The following SRPRB variants were observed in gnomAD, a reference collection of about 807,000 sequenced individuals.
SRPRB encodes signal recognition particle receptor subunit beta.
A neutral mutation model predicts 31.9 loss-of-function variants in SRPRB; 20 were observed. The observed-to-expected ratio is 0.63, with a 90% confidence interval of 0.44 to 0.91. The LOEUF is 0.91. Among genes scored for constraint, SRPRB ranks in the 40% least tolerant of loss-of-function variants. The pLI, the probability that SRPRB is intolerant of heterozygous loss-of-function variation, is 0.00. For missense variants in SRPRB, 321 were observed against 324.9 expected (o/e 0.99, Z 0.09); for synonymous variants, 146 against 132.8 (o/e 1.10, Z -0.68).
rs556908505 is a variant in SRPRB at position 133,814,809 on chromosome 3, A to G, written c.411-781A>G. Among the ~76,000 whole-genome samples the G allele has an allele frequency of 3.3e-5, 5 of 152,308 alleles. No homozygotes were observed. The South Asian group carries it at 1.0e-3, about 32-fold the overall frequency. ...GCTTTGATATCTCTTTGTTTCTGTC[A>G]CATGAGGAGTCCCACTATGGCTGCC... On this transcript the variant is annotated intron_variant, in intron 4 of 6. Coordinates refer to ENST00000678299, the MANE Select transcript of SRPRB (RefSeq NM_001379313.1).
At chr3:133,785,386 G>A (rs1406526370) in intron 1 of SRPRB, 14 of 102,600 alleles carry the variant, frequency 1.4e-4, no homozygotes, top group South Asian at 8.8e-4. Context: ...CGCCCTGTCC[G>A]GGAGGGAGGT....
chr3:133,793,252 T>C (rs894974704), intron 1 of SRPRB: 3 of 152,176 alleles, frequency 2.0e-5, no homozygotes, highest in South Asian at 2.1e-4. Flanking sequence ...TTTTTGCCTT[T>C]TAAAACATTT....
rs964133939 is a variant in SRPRB at position 133,808,599 on chromosome 3, G to C, written c.327+776G>C. ...ATATATGAGTGTATTTCAAATATAAGGAATCATGGGGCCTGGCTTGGTGGC... is the reference window on the plus strand; with the variant it reads ...ATATATGAGTGTATTTCAAATATAACGAATCATGGGGCCTGGCTTGGTGGC... On this transcript the variant is annotated intron_variant, in intron 3 of 6. Coordinates refer to ENST00000678299, the MANE Select transcript of SRPRB (RefSeq NM_001379313.1). 3.3e-5 allele frequency among the ~76,000 whole-genome samples: 5 copies of C among 152,056 alleles called. No homozygotes were observed. The South Asian group carries it at 1.0e-3, about 32-fold the overall frequency.
downstream of SRPRB, chr3:133,828,167 G>A (rs1015668800): frequency 8.4e-6 from 5 of 593,034 alleles, no homozygotes; most frequent in African/African-American, 3.7e-5. Context: ...AGCTCCACAC[G>A]AGGTTGACGA....
chr3:133,823,050 A>G (rs1935499594), downstream of SRPRB, among the ~76,000 whole-genome samples: 1 of 152,198 alleles, frequency 6.6e-6, no homozygotes, highest in Admixed American at 6.5e-5. Context: ...GTGCCCTTTC[A>G]GTGTGGTTTC....
rs146467727 is a variant in SRPRB, at chr3:133,818,785, AGTGTGTGTGT to A, written c.603-739_603-730del. On this transcript the variant is annotated intron_variant, in intron 6 of 6. Transcript: ENST00000678299. The stretch of plus-strand genomic sequence containing the variant: ...TATTGTTTTTTAAAAATACTTTTAC[AGTGTGTGTGT>A]GTGTGTGTGTGTGTGTGTGTGTGTG... Among the ~76,000 whole-genome samples, 364 of 144,202 alleles carry A rather than the reference AGTGTGTGTGT, an allele frequency of 2.5e-3. 1 individual carries two copies. Among genetic ancestry groups the A allele is most frequent in the African/African-American group, 7.9e-3 (309 of 38,934 alleles). 94.6% of individuals were successfully genotyped at this position (144,202 alleles called of 152,430 possible).
intron 1 of SRPRB, among the ~76,000 whole-genome samples, chr3:133,798,166 T>G (rs1000828412): frequency 7.2e-5 from 11 of 152,226 alleles, no homozygotes; most frequent in Admixed American, 5.2e-4. Context: ...TTATAATTGA[T>G]AGAAAAGATG....
chr3:133,810,568 G>A (rs1019492478), intron 3 of SRPRB: 1 of 152,170 alleles, frequency 6.6e-6, no homozygotes, highest in Non-Finnish European at 1.5e-5. Flanking sequence ...TAAATTATAT[G>A]TCTGGAAGAT....
chr3:133,815,131 T>G (rs1297243790), intron 4 of SRPRB, among the ~76,000 whole-genome samples: 1 of 152,184 alleles, frequency 6.6e-6, no homozygotes. Context: ...GATTTTAGAC[T>G]TTGGATTTTT....
chr3:133,825,111 G>A (rs1039362342), downstream of SRPRB: 1 of 152,144 alleles, frequency 6.6e-6, no homozygotes, highest in Non-Finnish European at 1.5e-5. Flanking sequence ...ACATCCTTCT[G>A]TTCAGCTGCC....
rs1020098152 is a variant in SRPRB at position 133,811,101 on chromosome 3, T to C, written c.328-16T>C. ...GAACTGTATTGAAACGTTAATGTTA[T>C]TGCTGCCATCCCCAGGGCAATAGTC... On this transcript the variant is annotated splice_polypyrimidine_tract_variant and intron_variant, in intron 3 of 6. Coordinates refer to ENST00000678299, the MANE Select transcript of SRPRB (RefSeq NM_001379313.1). The C allele has an allele frequency of 6.2e-7, 1 of 1,613,758 alleles. No homozygotes were observed. Among genetic ancestry groups the C allele is most frequent in the East Asian group, 2.2e-5 (1 of 44,882 alleles).
At position 133,819,901 on chromosome 3, in the gene SRPRB, G is replaced by T. The variant is rs2107977440; in HGVS notation, c.*135G>T. Reference sequence around the variant, plus strand: ...TTCTTTGTTCTGGAAACAAAGTACTGTTGAAACCAGCTTGGAATTTTTTTT... The same window carrying T: ...TTCTTTGTTCTGGAAACAAAGTACTTTTGAAACCAGCTTGGAATTTTTTTT... On this transcript the variant is annotated 3_prime_UTR_variant, in exon 7 of 7. Transcript: ENST00000678299. 12 of 724,190 alleles carry T rather than the reference G, an allele frequency of 1.7e-5. No individual in the cohort carries two copies. Among genetic ancestry groups the T allele is most frequent in the East Asian group, 2.9e-5 (1 of 35,058 alleles). 44.9% of individuals were successfully genotyped at this position (724,190 alleles called of 1,614,324 possible). A position where few individuals can be genotyped will look rare whatever the true frequency, so the allele number is the denominator to read the frequency against.
chr3:133,800,394 T>C (rs149613296), intron 1 of SRPRB, among the ~76,000 whole-genome samples: 1 of 152,306 alleles, frequency 6.6e-6, no homozygotes, highest in African/African-American at 2.4e-5. Context: ...TGCAATCAAG[T>C]GAGTGAGTCA....
downstream of SRPRB, chr3:133,827,746 A>ACACCCCCCCC: frequency 1.4e-5 from 1 of 72,112 alleles, no homozygotes; most frequent in Admixed American, 2.1e-4. Context: ...TGCAGACAAC[A>ACACCCCCCCC]CCCCCCCCCC....
downstream of SRPRB, chr3:133,826,954 CAT>C: frequency 1.3e-5 from 2 of 152,776 alleles, no homozygotes. Flanking sequence ...TATGTACACA[CAT>C]ATAAAAACTA....
rs915218966 is a variant in SRPRB at position 133,820,386 on chromosome 3, C to G, written c.*620C>G. 3 of 154,206 alleles carry G rather than the reference C, an allele frequency of 1.9e-5. No homozygotes were observed. Among genetic ancestry groups the G allele is most frequent in the Admixed American group, 6.3e-5 (1 of 15,770 alleles). The allele number at this position is 154,206 out of a possible 1,614,324, so 9.6% of individuals were successfully genotyped here. A position where few individuals can be genotyped will look rare whatever the true frequency, so the allele number is the denominator to read the frequency against. On this transcript the variant is annotated 3_prime_UTR_variant, in exon 7 of 7. Transcript: ENST00000678299. ...GCACTTACGTTTCAAAAGCTTGTCA[C>G]AAACCCTTGGAGTCATTCCCAGATA... is the stretch of plus-strand genomic sequence containing the variant.
chr3:133,815,746 C>G lies in SRPRB; in HGVS notation c.547+20C>G. 1.2e-6 allele frequency: 2 copies of G among 1,608,788 alleles called. No homozygotes were observed. The highest frequency in any genetic ancestry group is 1.7e-6 in the Non-Finnish European group (2 of 1,176,416). On this transcript the variant is annotated intron_variant, in intron 5 of 6. Coordinates refer to ENST00000678299, the MANE Select transcript of SRPRB (RefSeq NM_001379313.1). ...AGCAAGGTGCCATCATGTTTTCTTGCAATAATAATTGAGTTTTTTGGGGAT... is the reference window on the plus strand; with the variant it reads ...AGCAAGGTGCCATCATGTTTTCTTGGAATAATAATTGAGTTTTTTGGGGAT...
intron 5 of SRPRB, 59 bp downstream of exon 5, chr3:133,815,785 A>T: frequency 6.4e-7 from 1 of 1,573,000 alleles, no homozygotes; most frequent in Non-Finnish European, 8.7e-7. Context: ...TGCTACTAAG[A>T]ATTATTTCCA....
At chr3:133,817,719 T>C (rs1411343384) in intron 6 of SRPRB, among the ~76,000 whole-genome samples, 2 of 152,218 alleles carry the variant, frequency 1.3e-5, no homozygotes, top group Non-Finnish European at 2.9e-5. Context: ...ATTCAACTTT[T>C]AGAAACTTTT....
Sources: gnomAD v4.1 joint callset for allele counts (sites outside exome capture counted in the v4.1 genomes callset) on GRCh38, gnomAD v4.1.1 for gene constraint, MANE v1.5 for transcripts, NCBI Gene and HGNC (gene_info 2026-07-23, HGNC 2026-07-21) for gene names.